ERG: variants seen among roughly 807,000 people sequenced by gnomAD.
The protein encoded by ERG is ETS transcription factor ERG.
In ERG, 9 loss-of-function variants were observed where a neutral mutation model predicts 55.3. The observed-to-expected ratio is 0.16, with a 90% CI of 0.10 to 0.28. ERG has a LOEUF of 0.28. Ranked by LOEUF, ERG falls within the 10% of genes least tolerant of loss-of-function variation. ERG has a pLI of 1.00. For missense variants in ERG, 434 were observed against 631.6 expected, an observed-to-expected ratio of 0.69 and a Z score of 3.35; for synonymous variants, 223 against 237.3, an observed-to-expected ratio of 0.94 and a Z score of 0.55.
chr21:38,387,203 G>A (rs1247461286), intron 9 of ERG, among the ~76,000 whole-genome samples: 2 of 152,202 alleles, frequency 1.3e-5, no homozygotes, highest in African/African-American at 4.8e-5. Flanking sequence ...ATGAACAAGG[G>A]CAGTAAATAC....
At chr21:38,422,181 G>A (rs1283822359) in intron 3 of ERG, among the ~76,000 whole-genome samples, 1 of 152,228 alleles carries the variant, frequency 6.6e-6, no homozygotes, top group Admixed American at 6.5e-5. Flanking sequence ...ACATTGGCAC[G>A]GATACTTGGT....
intron 1 of ERG, among the ~76,000 whole-genome samples, chr21:38,610,705 C>T (rs1444632169): frequency 3.9e-5 from 6 of 152,302 alleles, no homozygotes; most frequent in East Asian, 1.9e-4. Flanking sequence ...AGGAAACCTA[C>T]GGAGTAATAC....
At chr21:38,619,656 G>T (rs570117296) in intron 1 of ERG, among the ~76,000 whole-genome samples, 1 of 152,172 alleles carries the variant, frequency 6.6e-6, no homozygotes, top group African/African-American at 2.4e-5. Flanking sequence ...CTGTTTATAG[G>T]GCCAGAATTT....
Position 38,383,545 on chromosome 21 carries a change from G to A in ERG, c.1298C>T (p.Pro433Leu), listed in dbSNP as rs749482905. 1.9e-6 allele frequency: 3 copies of A among 1,585,458 alleles called. No individual in the cohort carries two copies. The highest frequency in any genetic ancestry group is 3.4e-5 in the Admixed American group (2 of 58,596). ...AHPQKMNFVA[P>L]HPPALPVTSS... is the part of the protein sequence containing the mutation. ...TGTCACGGGGAGGGCTGGAGGGTGG[G>A]GCGCCACAAAGTTCATCTTCTGTGG... Residue 433 changes from proline (P) to leucine (L), a missense_variant, in exon 10 of 10, where the codon CCC becomes CTC. This residue lies in a region of ERG where 107 missense variants were observed against 126.8 expected (regional missense o/e 0.84). Transcript: ENST00000288319. The surrounding 1 kb of genome is among the most constrained non-coding windows in gnomAD (Gnocchi z 5.7).
rs1459532406 is a variant in ERG, at chr21:38,450,516, T to C, written c.19-4895A>G. 3.3e-5 allele frequency among the ~76,000 whole-genome samples: 5 copies of C among 152,226 alleles called. No homozygotes were observed. The East Asian group carries it at 9.6e-4, about 29-fold the overall frequency. ...TCAATAGCCTACTTTTTCTGTCAGT[T>C]TTAATCCCATTACAATCCAATACAA... On this transcript the variant is annotated intron_variant, in intron 1 of 9. Coordinates refer to ENST00000288319, the MANE Select transcript of ERG (RefSeq NM_182918.4).
chr21:38,525,026 G>T (rs184836319), intron 2 of ERG, among the ~76,000 whole-genome samples: 3 of 152,326 alleles, frequency 2.0e-5, no homozygotes, highest in Non-Finnish European at 4.4e-5. Flanking sequence ...TTAGAAGCGG[G>T]TGCTGCTTCC....
chr21:38,375,375 T>C (rs1601303259), downstream of ERG, among the ~76,000 whole-genome samples: 1 of 152,214 alleles, frequency 6.6e-6, no homozygotes, highest in Middle Eastern at 3.2e-3. Context: ...GAGATTTTTA[T>C]GTACATTTTC....
intron 1 of ERG, among the ~76,000 whole-genome samples, chr21:38,635,459 C>A (rs1321220231): frequency 6.6e-6 from 1 of 151,778 alleles, no homozygotes; most frequent in South Asian, 2.1e-4. Context: ...TCTGAGATAC[C>A]AAAAAACACC....
intron 2 of ERG, among the ~76,000 whole-genome samples, chr21:38,533,800 C>A (rs1289536822): frequency 6.6e-6 from 1 of 152,170 alleles, no homozygotes; most frequent in Non-Finnish European, 1.5e-5. Flanking sequence ...ATTGCATATA[C>A]CTCTTATACT....
At chr21:38,443,288 A>G (rs898685902) in intron 2 of ERG, among the ~76,000 whole-genome samples, 1 of 152,228 alleles carries the variant, frequency 6.6e-6, no homozygotes, top group East Asian at 1.9e-4. Flanking sequence ...CCTGTTGTCC[A>G]TCGGAAATCA....
intron 1 of ERG, among the ~76,000 whole-genome samples, chr21:38,582,044 CAAAA>C (rs35717235): frequency 7.3e-4 from 64 of 87,924 alleles, no homozygotes; most frequent in Admixed American, 2.0e-3. Flanking sequence ...CTCCATCTCA[CAAAA>C]AAAAAAAAAA....
rs568513532 is a variant in ERG at position 38,564,160 on chromosome 21, T to C, written c.-41+11502A>G. Among the ~76,000 whole-genome samples the C allele has an allele frequency of 2.6e-5, 4 of 152,246 alleles. No homozygotes were observed. The East Asian group carries it at 5.8e-4, about 22-fold the overall frequency. On this transcript the variant is annotated intron_variant, in intron 2 of 8. Transcript: ENST00000398897. ...GAAATCCTGATGAAGGAAACTGAAT[T>C]GGATGCCACAAGCCTTATCTCCTGT...
At chr21:38,583,630 G>A (rs921707659) in intron 1 of ERG, among the ~76,000 whole-genome samples, 1 of 152,084 alleles carries the variant, frequency 6.6e-6, no homozygotes, top group African/African-American at 2.4e-5. Flanking sequence ...ACTAACCCCC[G>A]GTCCCTCGGG....
Position 38,380,648 on chromosome 21 carries a change from G to A in ERG, c.*2755C>T. 9.4e-7 allele frequency: 1 copy of A among 1,064,944 alleles called. No individual in the cohort carries two copies. The highest frequency in any genetic ancestry group is 5.0e-5 in the East Asian group (1 of 20,018). 66.0% of individuals were successfully genotyped at this position (1,064,944 alleles called of 1,614,324 possible). On this transcript the variant is annotated 3_prime_UTR_variant, in exon 10 of 10. Transcript: ENST00000288319. ...ATTACAACAGTAACAGAGAGTTAATGCCATTTTGAAACAATTTAAGAATTA... is the reference window on the plus strand; with the variant it reads ...ATTACAACAGTAACAGAGAGTTAATACCATTTTGAAACAATTTAAGAATTA...
chr21:38,657,584 T>A (rs2060527012), intron 1 of ERG, among the ~76,000 whole-genome samples: 1 of 152,202 alleles, frequency 6.6e-6, no homozygotes, highest in African/African-American at 2.4e-5. Flanking sequence ...AAGATAAAGT[T>A]AAAAGGGAAA....
intron 2 of ERG, among the ~76,000 whole-genome samples, chr21:38,521,320 C>A (rs139722257): frequency 2.5e-3 from 384 of 152,292 alleles, no homozygotes; most frequent in Admixed American, 4.3e-3. Context: ...TTATTAGCTG[C>A]ATTTTATAGC....
the ERG span, among the ~76,000 whole-genome samples, chr21:38,369,151 C>T: frequency 6.6e-6 from 1 of 152,174 alleles, no homozygotes; most frequent in Non-Finnish European, 1.5e-5. Flanking sequence ...ATTGCTAAAT[C>T]GAATGGTATT....
chr21:38,571,623 C>T (rs1285851154), intron 2 of ERG, among the ~76,000 whole-genome samples: 1 of 152,152 alleles, frequency 6.6e-6, no homozygotes. Flanking sequence ...ACTATTATCA[C>T]TGACAGAGAA....
At chr21:38,415,215 C>T (rs7283572) in intron 3 of ERG, among the ~76,000 whole-genome samples, 2,988 of 152,258 alleles carry the variant, frequency 0.02, 119 homozygotes, top group African/African-American at 0.068. Flanking sequence ...ACTCTCTTAG[C>T]GTTCCTAGTT....
Sources: allele counts gnomAD v4.1 joint callset (sites outside exome capture counted in the v4.1 genomes callset), GRCh38; gene constraint gnomAD v4.1.1; regional missense constraint gnomAD v4.1.1; non-coding constraint Gnocchi (gnomAD v3.1); transcripts MANE v1.5; gene names NCBI Gene and HGNC (gene_info 2026-07-23, HGNC 2026-07-21).